Variants in VGLL3 observed in about 807,000 individuals in gnomAD.
VGLL3 encodes the protein vestigial like family member 3, also known as transcription cofactor vestigial-like protein 3.
Under a neutral mutation model 29.2 loss-of-function variants are expected in VGLL3, and 18 were observed. The observed-to-expected ratio is 0.62, with a 90% CI of 0.43 to 0.91. The LOEUF is 0.91. Ranked by LOEUF, VGLL3 falls within the 40% of genes least tolerant of loss-of-function variation. The probability of loss-of-function intolerance (pLI) is 0.00; values close to 1 mark genes in which losing one functional copy is unlikely to be tolerated. For missense variants in VGLL3, 440 were observed against 413.2 expected, an observed-to-expected ratio of 1.06 and a Z score of -0.56; for synonymous variants, 180 against 151.8, an observed-to-expected ratio of 1.19 and a Z score of -1.36.
intron 3 of VGLL3, among the ~76,000 whole-genome samples, chr3:86,955,061 A>T (rs1309564367): frequency 6.6e-6 from 1 of 152,182 alleles, no homozygotes; most frequent in East Asian, 1.9e-4. Flanking sequence ...TTTACAGTCC[A>T]GAAAACAGAT....
chr3:86,990,559 C>G, intron 1 of VGLL3, 59 bp downstream of exon 1: 1 of 1,311,440 alleles, frequency 7.6e-7, no homozygotes, highest in Non-Finnish European at 9.8e-7. Context: ...GAGCCCCAGA[C>G]CGATACTCTC....
intron 1 of VGLL3, among the ~76,000 whole-genome samples, chr3:86,983,675 C>T (rs867929711): frequency 7.9e-5 from 12 of 152,276 alleles, no homozygotes; most frequent in Middle Eastern, 3.4e-3. Flanking sequence ...GCATGAGCCA[C>T]CGTGCCTGGC....
intron 1 of VGLL3, among the ~76,000 whole-genome samples, chr3:86,979,186 G>T: frequency 6.6e-6 from 1 of 152,090 alleles, no homozygotes; most frequent in East Asian, 1.9e-4. Flanking sequence ...TTTTAAAAAT[G>T]CAATGTACAG....
rs187833133 is a variant in VGLL3 at position 86,987,508 on chromosome 3, T to G, written c.126+3110A>C. Among the ~76,000 whole-genome samples, 451 of 152,064 alleles carry G rather than the reference T, an allele frequency of 3.0e-3. 1 individual carries two copies. The highest frequency in any genetic ancestry group is 4.6e-3 in the Non-Finnish European group (313 of 68,006). ...ACTGTTCTCTGTCTCATCTATAAAC[T>G]GCATAATTCTGAAACCTTTGACAGC... On this transcript the variant is annotated intron_variant, in intron 1 of 3. Coordinates refer to ENST00000398399, the MANE Select transcript of VGLL3 (RefSeq NM_016206.4).
chr3:86,953,615 A>G (rs1704656426), intron 3 of VGLL3, among the ~76,000 whole-genome samples: 1 of 152,168 alleles, frequency 6.6e-6, no homozygotes, highest in Admixed American at 6.5e-5. Flanking sequence ...TTTATGATCA[A>G]TATTATAGAT....
intron 2 of VGLL3, among the ~76,000 whole-genome samples, chr3:86,969,676 T>TTTATTTA (rs1705050099): frequency 3.0e-5 from 2 of 65,644 alleles, no homozygotes; most frequent in African/African-American, 1.8e-4. Flanking sequence ...CCAACCTCAT[T>TTTATTTA]TTATTTATTT....
Position 86,946,273 on chromosome 3 carries a change from G to A in VGLL3, c.*751C>T, listed in dbSNP as rs1318647808. 1 of 151,718 alleles carries A rather than the reference G, an allele frequency of 6.6e-6. No homozygotes were observed. The highest frequency in any genetic ancestry group is 1.5e-5 in the Non-Finnish European group (1 of 67,940). 9.4% of individuals were successfully genotyped at this position (151,718 alleles called of 1,614,324 possible). A position where few individuals can be genotyped will look rare whatever the true frequency, so the allele number is the denominator to read the frequency against. ...AAAGCAATAAAATATCATTTCTTTAGCACAGTCATTAAAAAAAAACTTTTC... is the reference window on the plus strand; with the variant it reads ...AAAGCAATAAAATATCATTTCTTTAACACAGTCATTAAAAAAAAACTTTTC... On this transcript the variant is annotated 3_prime_UTR_variant, in exon 4 of 4. Coordinates refer to ENST00000398399, the MANE Select transcript of VGLL3 (RefSeq NM_016206.4).
chr3:86,938,988 A>G lies in VGLL3; in HGVS notation c.*8036T>C, dbSNP rs563714145. ...ACTTCAGCTAGGAAGAATCTGCACT[A>G]GATGACCTGTTCTCCACCCCCTAGA... On this transcript the variant is annotated 3_prime_UTR_variant, in exon 4 of 4. Transcript: ENST00000398399. 1.9e-4 allele frequency: 29 copies of G among 152,356 alleles called. No individual in the cohort carries two copies. The highest frequency in any genetic ancestry group is 7.0e-4 in the African/African-American group (29 of 41,584). 9.4% of individuals were successfully genotyped at this position (152,356 alleles called of 1,614,324 possible). A position where few individuals can be genotyped will look rare whatever the true frequency, so the allele number is the denominator to read the frequency against.
intron 2 of VGLL3, among the ~76,000 whole-genome samples, chr3:86,970,474 T>TACACACACACAC (rs1325839995): frequency 1.2e-5 from 1 of 83,568 alleles, no homozygotes; most frequent in East Asian, 4.1e-4. Context: ...GGCCATATAT[T>TACACACACACAC]ACACACACGC....
At chr3:86,965,812 C>T (rs1704945760) in intron 3 of VGLL3, among the ~76,000 whole-genome samples, 1 of 152,152 alleles carries the variant, frequency 6.6e-6, no homozygotes, top group East Asian at 1.9e-4. Flanking sequence ...CATCTCACTC[C>T]AGAGCTCCTT....
chr3:86,969,675 T>TTTTA (rs201595037), intron 2 of VGLL3, among the ~76,000 whole-genome samples: 21,305 of 145,414 alleles, frequency 0.15, 1,652 homozygotes, highest in Middle Eastern at 0.19. Flanking sequence ...TCCAACCTCA[T>TTTTA]TTTATTTATT....
chr3:86,971,380 T>C (rs896624718), intron 2 of VGLL3, among the ~76,000 whole-genome samples: 1 of 152,194 alleles, frequency 6.6e-6, no homozygotes, highest in African/African-American at 2.4e-5. Context: ...TGACCATTCA[T>C]CCCATTCATC....
Position 86,940,061 on chromosome 3 carries a change from T to C in VGLL3, c.*6963A>G, listed in dbSNP as rs868069848. ...ACCACATTCTAAATATGGTAGACAG[T>C]TAAAAAGCCTGCGCCAAATTATTTC... On this transcript the variant is annotated 3_prime_UTR_variant, in exon 4 of 4. Transcript: ENST00000398399. 3.9e-5 allele frequency: 6 copies of C among 152,220 alleles called. No homozygotes were observed. Among genetic ancestry groups the C allele is most frequent in the African/African-American group, 1.4e-4 (6 of 41,466 alleles). 9.4% of individuals were successfully genotyped at this position (152,220 alleles called of 1,614,324 possible). A position where few individuals can be genotyped will look rare whatever the true frequency, so the allele number is the denominator to read the frequency against.
At position 86,940,373 on chromosome 3, in the gene VGLL3, C is replaced by T. The variant is rs1379267049; in HGVS notation, c.*6651G>A. ...TAGAAGCATTGTATTATAAAATTCT[C>T]AAGACTCTTGCTGTTATGTAATTAA... is the stretch of plus-strand genomic sequence containing the variant. On this transcript the variant is annotated 3_prime_UTR_variant, in exon 4 of 4. Coordinates refer to ENST00000398399, the MANE Select transcript of VGLL3 (RefSeq NM_016206.4). 2 of 152,562 alleles carry T rather than the reference C, an allele frequency of 1.3e-5. No homozygotes were observed. The highest frequency in any genetic ancestry group is 1.3e-4 in the Admixed American group (2 of 15,274). 9.5% of individuals were successfully genotyped at this position (152,562 alleles called of 1,614,324 possible).
In VGLL3 at chr3:86,940,960, G is replaced by C. The variant is rs1393122946; in HGVS notation, c.*6064C>G. The C allele has an allele frequency of 6.6e-6, 1 of 152,250 alleles. No individual in the cohort carries two copies. Among genetic ancestry groups the C allele is most frequent in the Non-Finnish European group, 1.5e-5 (1 of 67,888 alleles). 9.4% of individuals were successfully genotyped at this position (152,250 alleles called of 1,614,324 possible). On this transcript the variant is annotated 3_prime_UTR_variant, in exon 4 of 4. Transcript: ENST00000398399. ...AGAACTAACAAGTCTGAAAGTTCAT[G>C]GTATTTCAATGCAGTAAAATAATAT...
intron 3 of VGLL3, chr3:86,962,283 G>T (rs577295198): frequency 7.1e-6 from 7 of 985,316 alleles, no homozygotes; most frequent in Non-Finnish European, 8.4e-6. Flanking sequence ...GAGTGAGCTC[G>T]CATGACAGCA....
At chr3:86,979,299 T>C (rs757196947) in intron 1 of VGLL3, among the ~76,000 whole-genome samples, 2 of 152,186 alleles carry the variant, frequency 1.3e-5, no homozygotes, top group Non-Finnish European at 2.9e-5. Flanking sequence ...AACAGGAATG[T>C]AGCATCTTAT....
chr3:86,980,141 T>A (rs7617401), intron 1 of VGLL3, among the ~76,000 whole-genome samples: 13,081 of 151,350 alleles, frequency 0.086, 1,523 homozygotes, highest in African/African-American at 0.26. Context: ...TTTTTTTTTT[T>A]ACTTTGAAAA....
chr3:86,969,326 A>T (rs1023380960), intron 2 of VGLL3, among the ~76,000 whole-genome samples: 3 of 152,202 alleles, frequency 2.0e-5, no homozygotes, highest in African/African-American at 7.2e-5. Flanking sequence ...TGCAAGATCC[A>T]AAGTGTTAAA....
Sources: allele counts gnomAD v4.1 joint callset (sites outside exome capture counted in the v4.1 genomes callset), GRCh38; gene constraint gnomAD v4.1.1; transcripts MANE v1.5; gene names NCBI Gene and HGNC (gene_info 2026-07-23, HGNC 2026-07-21).